FAR2: variants seen among roughly 807,000 people sequenced by gnomAD.
FAR2 encodes fatty acyl-CoA reductase 2, also known as epididymis secretory protein Li 81.
FAR2 carries 19 observed loss-of-function variants against 56.0 expected under a neutral mutation model. The observed-to-expected ratio is 0.34, with a 90% confidence interval of 0.24 to 0.50. The LOEUF (loss-of-function observed/expected upper bound fraction) is 0.50. Among genes scored for constraint, FAR2 ranks in the 20% least tolerant of loss-of-function variants. FAR2 has a pLI of 0.98. For synonymous variants in FAR2, 219 were observed against 218.8 expected, an observed-to-expected ratio of 1.00 and a Z score of -0.01; for missense variants, 508 against 642.2, an observed-to-expected ratio of 0.79 and a Z score of 2.26.
At position 29,172,742 on chromosome 12, in the gene FAR2, C is replaced by T. The variant is rs916739193; in HGVS notation, c.-39+23335C>T. 1.4e-4 allele frequency among the ~76,000 whole-genome samples: 21 copies of T among 152,286 alleles called. No individual in the cohort carries two copies. In the South Asian group the frequency reaches 3.5e-3, roughly 26 times the overall value. The stretch of plus-strand genomic sequence containing the variant: ...ACAGGGGAGTATATTTTCTTAAGGC[C>T]TCCCGTAGCCGCTCGAGGAAGGCAG... On this transcript the variant is annotated intron_variant, in intron 1 of 11. Coordinates refer to ENST00000536681, the MANE Select transcript of FAR2 (RefSeq NM_001271783.2).
intron 4 of FAR2, among the ~76,000 whole-genome samples, chr12:29,303,048 T>C (rs774348812): frequency 6.6e-6 from 1 of 152,238 alleles, no homozygotes; most frequent in Non-Finnish European, 1.5e-5. Context: ...TTTTACTCCA[T>C]GAAGCAATGC....
chr12:29,323,249 G>C (rs1481331743), intron 10 of FAR2, among the ~76,000 whole-genome samples: 1 of 152,236 alleles, frequency 6.6e-6, no homozygotes, highest in Non-Finnish European at 1.5e-5. Context: ...AAGCGGCCTG[G>C]AAGCTCAAAC....
At chr12:29,202,021 A>T (rs540401848) in intron 1 of FAR2, among the ~76,000 whole-genome samples, 9 of 152,222 alleles carry the variant, frequency 5.9e-5, no homozygotes, top group African/African-American at 2.2e-4. Flanking sequence ...ATTATACCAC[A>T]TAGAGGATTT....
chr12:29,290,655 A>T (rs1285100411), intron 2 of FAR2, among the ~76,000 whole-genome samples: 1 of 152,236 alleles, frequency 6.6e-6, no homozygotes, highest in East Asian at 1.9e-4. Flanking sequence ...TACACAATGG[A>T]GTACTACTCA....
At chr12:29,235,311 A>G (rs1947923321) in intron 1 of FAR2, among the ~76,000 whole-genome samples, 1 of 152,210 alleles carries the variant, frequency 6.6e-6, no homozygotes, top group Admixed American at 6.5e-5. Context: ...TGACATTCCA[A>G]ACAATAGCTG....
rs1947448602 is a variant in FAR2, at chr12:29,203,999, C to CAGA, written c.-39+54593_-39+54594insGAA. Among the ~76,000 whole-genome samples the CAGA allele has an allele frequency of 6.7e-3, 454 of 68,114 alleles. 6 individuals are homozygous for CAGA. The highest frequency in any genetic ancestry group is 0.023 in the South Asian group (30 of 1,310). 44.7% of individuals were successfully genotyped at this position (68,114 alleles called of 152,430 possible). ...TGGGAGAGAGAGTGAGATTCCATCT[C>CAGA]AAAAAAAAAAAAAAAAAAAAAAAAG... On this transcript the variant is annotated intron_variant, in intron 1 of 11. Transcript: ENST00000536681.
intron 1 of FAR2, among the ~76,000 whole-genome samples, chr12:29,204,058 G>A (rs907731916): frequency 6.9e-6 from 1 of 145,876 alleles, no homozygotes; most frequent in Non-Finnish European, 1.5e-5. Flanking sequence ...TAGCCTTTCA[G>A]TAGAATCCAA....
intron 1 of FAR2, among the ~76,000 whole-genome samples, chr12:29,177,454 T>G (rs2136593889): frequency 6.6e-6 from 1 of 152,338 alleles, no homozygotes; most frequent in South Asian, 2.1e-4. Flanking sequence ...GATAGAAGAA[T>G]GATGTCACTG....
intron 4 of FAR2, among the ~76,000 whole-genome samples, chr12:29,297,583 C>T (rs1438477251): frequency 6.6e-6 from 1 of 152,146 alleles, no homozygotes; most frequent in Non-Finnish European, 1.5e-5. Flanking sequence ...GGCATAGCTC[C>T]ACCAGTAACT....
chr12:29,174,763 C>T (rs531652163), intron 1 of FAR2, among the ~76,000 whole-genome samples: 12 of 152,076 alleles, frequency 7.9e-5, no homozygotes, highest in East Asian at 7.7e-4. Flanking sequence ...AGAAGAGAGG[C>T]GAGAAGAAGT....
intron 1 of FAR2, among the ~76,000 whole-genome samples, chr12:29,228,155 G>C (rs887027046): frequency 3.4e-5 from 5 of 146,038 alleles, no homozygotes; most frequent in African/African-American, 1.3e-4. Flanking sequence ...AAAAAAAAAA[G>C]AAGTAGGTTC....
intron 1 of FAR2, among the ~76,000 whole-genome samples, chr12:29,233,904 G>A (rs747317354): frequency 2.0e-5 from 3 of 152,100 alleles, no homozygotes; most frequent in Non-Finnish European, 2.9e-5. Context: ...GCCCTCCCCA[G>A]TTCAATGAAG....
At position 29,302,236 on chromosome 12, in the gene FAR2, GAAAAAAAAAAA is replaced by G. The variant is rs57752714; in HGVS notation, c.545+5052_545+5062del. Among the ~76,000 whole-genome samples, 204 of 93,084 alleles carry G rather than the reference GAAAAAAAAAAA, an allele frequency of 2.2e-3. 5 individuals carry two copies. The highest frequency in any genetic ancestry group is 6.4e-3 in the African/African-American group (156 of 24,486). 61.1% of individuals were successfully genotyped at this position (93,084 alleles called of 152,430 possible). On this transcript the variant is annotated intron_variant, in intron 4 of 11. Coordinates refer to ENST00000536681, the MANE Select transcript of FAR2 (RefSeq NM_001271783.2). ...GACAGAGCGAGACTCCATCTCAAAG[GAAAAAAAAAAA>G]AAAAAAAAAAAAAAAGGTGCTTTCT...
At chr12:29,317,534 CAA>C (rs935747886) in intron 9 of FAR2, among the ~76,000 whole-genome samples, 3 of 151,964 alleles carry the variant, frequency 2.0e-5, no homozygotes, top group African/African-American at 7.3e-5. Context: ...TGAGAAGCCA[CAA>C]AAGACATTAA....
intron 1 of FAR2, among the ~76,000 whole-genome samples, chr12:29,198,634 ATT>A (rs34949520): frequency 6.6e-6 from 1 of 151,902 alleles, no homozygotes; most frequent in Non-Finnish European, 1.5e-5. Flanking sequence ...TCATGTTTTG[ATT>A]TTTTTTCCTT....
At chr12:29,272,031 C>T (rs1040102482) in intron 2 of FAR2, among the ~76,000 whole-genome samples, 2 of 152,182 alleles carry the variant, frequency 1.3e-5, no homozygotes, top group African/African-American at 4.8e-5. Flanking sequence ...TGACATAGAA[C>T]CAAAACCTAG....
At chr12:29,263,981 CA>C (rs1948469120) in intron 1 of FAR2, among the ~76,000 whole-genome samples, 1 of 151,852 alleles carries the variant, frequency 6.6e-6, no homozygotes, top group African/African-American at 2.4e-5. Flanking sequence ...ACCCTGATAC[CA>C]AAACCAGATA....
intron 1 of FAR2, among the ~76,000 whole-genome samples, chr12:29,179,766 T>C (rs1426999578): frequency 5.3e-5 from 8 of 152,222 alleles, no homozygotes; most frequent in Admixed American, 5.2e-4. Context: ...AGTGATCCAG[T>C]GTCTGAATCA....
At chr12:29,158,844 T>C (rs532485828) in intron 1 of FAR2, among the ~76,000 whole-genome samples, 1 of 152,346 alleles carries the variant, frequency 6.6e-6, no homozygotes, top group South Asian at 2.1e-4. Flanking sequence ...TAAAAGCCAG[T>C]CCTGAAGACG....
Sources: allele counts gnomAD v4.1 joint callset (sites outside exome capture counted in the v4.1 genomes callset), GRCh38; gene constraint gnomAD v4.1.1; transcripts MANE v1.5; gene names NCBI Gene and HGNC (gene_info 2026-07-23, HGNC 2026-07-21).